The following CNTNAP2 variants were observed in gnomAD, a reference collection of about 807,000 sequenced individuals.
CNTNAP2 encodes the protein contactin-associated protein-like 2.
In CNTNAP2, 98 loss-of-function variants were observed where a neutral mutation model predicts 155.2. The ratio of observed to expected loss-of-function variants is 0.63; its 90% CI spans 0.54 to 0.75. CNTNAP2 has a LOEUF of 0.75. Ranked by LOEUF, CNTNAP2 falls within the 30% of genes least tolerant of loss-of-function variation. The pLI is 0.00. For missense variants in CNTNAP2, 1,727 were observed against 1,688.1 expected (o/e 1.02, Z -0.40); for synonymous variants, 651 against 631.2 (o/e 1.03, Z -0.47).
chr7:147,980,768 C>CAAAAAAAAAAAAAAAAAAA (rs375398761), intron 15 of CNTNAP2, among the ~76,000 whole-genome samples: 1 of 135,648 alleles, frequency 7.4e-6, no homozygotes, highest in Non-Finnish European at 1.6e-5. Flanking sequence ...ACTAAAAATA[C>CAAAAAAAAAAAAAAAAAAA]AAAAAAAAAA....
intron 21 of CNTNAP2, among the ~76,000 whole-genome samples, chr7:148,337,113 T>G (rs1485891943): frequency 2.0e-5 from 3 of 152,154 alleles, no homozygotes; most frequent in Non-Finnish European, 4.4e-5. Context: ...CAGAGCAAGG[T>G]GCTAGTGATA....
intron 10 of CNTNAP2, among the ~76,000 whole-genome samples, chr7:147,405,136 A>G (rs1456183747): frequency 3.3e-5 from 5 of 152,322 alleles, no homozygotes; most frequent in Middle Eastern, 3.4e-3. Flanking sequence ...AATGTCAGAA[A>G]AACAGTTATA....
intron 15 of CNTNAP2, among the ~76,000 whole-genome samples, chr7:148,066,040 G>A (rs1803252514): frequency 6.6e-6 from 1 of 152,134 alleles, no homozygotes; most frequent in Non-Finnish European, 1.5e-5. Flanking sequence ...TTTCATTTGT[G>A]AAGCTTAGTT....
intron 3 of CNTNAP2, among the ~76,000 whole-genome samples, chr7:147,022,503 T>C (rs964030242): frequency 3.0e-4 from 46 of 152,058 alleles, no homozygotes; most frequent in African/African-American, 8.2e-4. Flanking sequence ...ATAACACATA[T>C]ATATGTACTC....
intron 8 of CNTNAP2, among the ~76,000 whole-genome samples, chr7:147,269,538 G>A (rs745808785): frequency 6.6e-6 from 1 of 152,166 alleles, no homozygotes; most frequent in Non-Finnish European, 1.5e-5. Context: ...ACAATATGCC[G>A]AGCACATATG....
chr7:147,331,662 C>T (rs1176571092), intron 9 of CNTNAP2, among the ~76,000 whole-genome samples: 5 of 152,010 alleles, frequency 3.3e-5, no homozygotes, highest in Admixed American at 1.3e-4. Context: ...GCACAGGGCA[C>T]GGAGTCTATA....
chr7:147,603,514 G>C (rs2116864578), intron 12 of CNTNAP2, among the ~76,000 whole-genome samples: 1 of 152,230 alleles, frequency 6.6e-6, no homozygotes, highest in Middle Eastern at 3.4e-3. Flanking sequence ...CAACTTACAA[G>C]GGAAGTGAAG....
chr7:148,118,263 A>G lies in CNTNAP2; in HGVS notation c.2529A>G (p.Glu843=). The part of the protein sequence containing the change: ...WGVFLENMGK[E]DFIKLELKSA... Reference sequence around the variant, plus strand: ...TGTTTCTTGAAAATATGGGAAAGGAAGATTTCATCAAGCTGGAGCTGAAGT... The same window carrying G: ...TGTTTCTTGAAAATATGGGAAAGGAGGATTTCATCAAGCTGGAGCTGAAGT... The change falls in exon 16 of 24, where the codon GAA becomes GAG. Residue 843 remains glutamate (E), a synonymous_variant. Coordinates refer to ENST00000361727, the MANE Select transcript of CNTNAP2 (RefSeq NM_014141.6). 6.2e-7 allele frequency: 1 copy of G among 1,614,164 alleles called. No homozygotes were observed. The highest frequency in any genetic ancestry group is 8.5e-7 in the Non-Finnish European group (1 of 1,180,012).
intron 11 of CNTNAP2, among the ~76,000 whole-genome samples, chr7:147,554,239 A>C (rs1799907778): frequency 6.6e-6 from 1 of 152,156 alleles, no homozygotes; most frequent in Non-Finnish European, 1.5e-5. Context: ...AATACAGGAA[A>C]ATTTGATATA....
At chr7:147,159,478 G>T (rs965386438) in intron 8 of CNTNAP2, among the ~76,000 whole-genome samples, 4 of 152,108 alleles carry the variant, frequency 2.6e-5, no homozygotes, top group African/African-American at 9.6e-5. Context: ...GATATTGTTT[G>T]ATTTGGATGC....
chr7:146,999,372 T>G (rs192165334), intron 3 of CNTNAP2, among the ~76,000 whole-genome samples: 2 of 152,082 alleles, frequency 1.3e-5, no homozygotes, highest in East Asian at 3.9e-4. Flanking sequence ...ACAAATAATT[T>G]TAGTTATTAT....
chr7:146,371,727 G>A (rs1025353843), intron 1 of CNTNAP2, among the ~76,000 whole-genome samples: 3 of 151,906 alleles, frequency 2.0e-5, no homozygotes, highest in South Asian at 2.1e-4. Flanking sequence ...CGAGGTGGGC[G>A]GATTACCCTC....
rs1479012005 is a variant in CNTNAP2 at position 147,255,341 on chromosome 7, C to A, written c.1349-44800C>A. Among the ~76,000 whole-genome samples the A allele has an allele frequency of 2.6e-5, 4 of 152,252 alleles. No individual in the cohort carries two copies. In the East Asian group the frequency reaches 5.8e-4, roughly 22 times the overall value. On this transcript the variant is annotated intron_variant, in intron 8 of 23. Transcript: ENST00000361727. Reference sequence around the variant, plus strand: ...GGTTCAAGCAAACTTCCCACCTCAGCCTCCCAATTAGATGGGACTACAGGT... The same window carrying A: ...GGTTCAAGCAAACTTCCCACCTCAGACTCCCAATTAGATGGGACTACAGGT...
intron 20 of CNTNAP2, chr7:148,263,336 T>C (rs1331804484): frequency 6.6e-6 from 1 of 152,112 alleles, no homozygotes; most frequent in East Asian, 1.9e-4. Flanking sequence ...GGAGTGTTCA[T>C]TATGTTTTTT....
rs189355650 is a variant in CNTNAP2, at chr7:146,295,360, G to C, written c.97+178387G>C. Among the ~76,000 whole-genome samples, 9 of 152,106 alleles carry C rather than the reference G, an allele frequency of 5.9e-5. No individual in the cohort carries two copies. The East Asian group carries it at 1.7e-3, about 29-fold the overall frequency. On this transcript the variant is annotated intron_variant, in intron 1 of 23. Transcript: ENST00000361727. The stretch of plus-strand genomic sequence containing the variant: ...TTTGTTTGTTTGTTTTCCTGCAAAA[G>C]CATGTATTCAGGGTACAGGTGGTGG...
At chr7:146,588,903 G>A (rs1296097452) in intron 1 of CNTNAP2, among the ~76,000 whole-genome samples, 1 of 152,030 alleles carries the variant, frequency 6.6e-6, no homozygotes, top group African/African-American at 2.4e-5. Context: ...TATTTTAGCT[G>A]CTGTCTATAA....
rs1184059574 is a variant in CNTNAP2, at chr7:147,363,894, T to C, written c.1499-31715T>C. Among the ~76,000 whole-genome samples, 6 of 152,308 alleles carry C rather than the reference T, an allele frequency of 3.9e-5. No homozygotes were observed. In the East Asian group the frequency reaches 7.7e-4, roughly 20 times the overall value. On this transcript the variant is annotated intron_variant, in intron 9 of 23. Transcript: ENST00000361727. ...TATACCTTTCATGACATTGAAATTA[T>C]ATAAATCTTTAAATAAGCTTTTTGT... is the stretch of plus-strand genomic sequence containing the variant.
chr7:147,805,931 A>G (rs926708171), intron 13 of CNTNAP2, among the ~76,000 whole-genome samples: 1 of 152,220 alleles, frequency 6.6e-6, no homozygotes, highest in South Asian at 2.1e-4. Flanking sequence ...GCTTCAGGAC[A>G]TTGGTCTGGA....
At chr7:147,506,407 C>T (rs1230738360) in intron 11 of CNTNAP2, among the ~76,000 whole-genome samples, 1 of 152,130 alleles carries the variant, frequency 6.6e-6, no homozygotes, top group Non-Finnish European at 1.5e-5. Flanking sequence ...AGGCATGCAC[C>T]ACCATGCCCG....
Sources: gnomAD v4.1 joint callset for allele counts (sites outside exome capture counted in the v4.1 genomes callset) on GRCh38, gnomAD v4.1.1 for gene constraint, MANE v1.5 for transcripts, NCBI Gene and HGNC (gene_info 2026-07-23, HGNC 2026-07-21) for gene names.